Variants in DAB1 observed in about 807,000 individuals in gnomAD.
DAB1 encodes the protein disabled homolog 1.
Under a neutral mutation model 64.6 loss-of-function variants are expected in DAB1, and 15 were observed. The ratio of observed to expected loss-of-function variants is 0.23; its 90% CI spans 0.16 to 0.36. The LOEUF (loss-of-function observed/expected upper bound fraction) is 0.36. Among genes scored for constraint, DAB1 ranks in the 10% least tolerant of loss-of-function variants. DAB1 has a pLI of 1.00. For synonymous variants in DAB1, 235 were observed against 251.9 expected (o/e 0.93, Z 0.64); for missense variants, 596 against 706.7 (o/e 0.84, Z 1.78).
intron 7 of DAB1, among the ~76,000 whole-genome samples, chr1:57,593,656 A>AT (rs1288315001): frequency 1.3e-5 from 2 of 152,210 alleles, no homozygotes; most frequent in Non-Finnish European, 2.9e-5. Context: ...AAGGAGGATT[A>AT]TTTTTTGGCA....
In DAB1 at chr1:58,126,494, T is replaced by C. The variant is rs562347591; in HGVS notation, n.387+24017A>G. 1.5e-3 allele frequency among the ~76,000 whole-genome samples: 222 copies of C among 151,744 alleles called. 1 individual carries two copies. The highest frequency in any genetic ancestry group is 5.1e-3 in the African/African-American group (211 of 41,296). ...ATTATACTTTAAGTTTTAGGGTACA[T>C]GTGCACATTGTGCAGGTTAGTTACA... On this transcript the variant is annotated intron_variant and non_coding_transcript_variant, in intron 5 of 20. Coordinates refer to the DAB1 transcript ENST00000485760.
intron 1 of DAB1, among the ~76,000 whole-genome samples, chr1:57,882,340 G>A (rs910037924): frequency 2.6e-5 from 4 of 152,136 alleles, no homozygotes; most frequent in African/African-American, 7.2e-5. Flanking sequence ...ATGACAGTAC[G>A]AACATCAGAG....
At chr1:57,454,020 G>A (rs1211875296) in intron 7 of DAB1, among the ~76,000 whole-genome samples, 6 of 151,820 alleles carry the variant, frequency 4.0e-5, no homozygotes, top group East Asian at 3.9e-4. Flanking sequence ...TTTCCCTTTC[G>A]GCCTGGAAGA....
intron 4 of DAB1, among the ~76,000 whole-genome samples, chr1:58,295,901 G>A (rs1383355667): frequency 1.3e-5 from 2 of 151,788 alleles, no homozygotes; most frequent in Non-Finnish European, 2.9e-5. Context: ...GACCAGCCTG[G>A]CCAACATGGT....
At chr1:58,315,685 A>C (rs1662542125) in intron 4 of DAB1, among the ~76,000 whole-genome samples, 1 of 152,140 alleles carries the variant, frequency 6.6e-6, no homozygotes, top group South Asian at 2.1e-4. Flanking sequence ...GAAATGTACA[A>C]TTCCTTTATT....
intron 14 of DAB1, among the ~76,000 whole-genome samples, chr1:57,004,241 A>C (rs1645980015): frequency 6.6e-6 from 1 of 152,214 alleles, no homozygotes; most frequent in South Asian, 2.1e-4. Context: ...GCTCTTTGGC[A>C]TGAAGTATAA....
intron 4 of DAB1, among the ~76,000 whole-genome samples, chr1:57,081,397 C>T (rs988809820): frequency 1.3e-5 from 2 of 152,076 alleles, no homozygotes; most frequent in African/African-American, 4.8e-5. Flanking sequence ...CCTTGGAGCT[C>T]ACAAGATAAT....
chr1:58,199,852 G>A (rs903342312), intron 4 of DAB1, among the ~76,000 whole-genome samples: 1 of 152,136 alleles, frequency 6.6e-6, no homozygotes, highest in African/African-American at 2.4e-5. Flanking sequence ...GTGGGATGAA[G>A]AAAACTCTGC....
chr1:57,389,216 T>C (rs1180030375), intron 1 of DAB1, among the ~76,000 whole-genome samples: 1 of 152,214 alleles, frequency 6.6e-6, no homozygotes, highest in Non-Finnish European at 1.5e-5. Context: ...TTATTTCTTG[T>C]CAATTTTCAT....
intron 7 of DAB1, among the ~76,000 whole-genome samples, chr1:57,571,420 A>G (rs568558178): frequency 3.9e-5 from 6 of 152,328 alleles, no homozygotes; most frequent in African/African-American, 7.2e-5. Flanking sequence ...CCAGCCCTCT[A>G]TTCACTGCAT....
chr1:57,788,236 C>T (rs977998894), intron 6 of DAB1, among the ~76,000 whole-genome samples: 1 of 152,090 alleles, frequency 6.6e-6, no homozygotes, highest in African/African-American at 2.4e-5. Context: ...TTTATAGTAG[C>T]TGTATTAATA....
rs552297605 is a variant in DAB1 at position 57,733,793 on chromosome 1, A to T, written n.552-84128T>A. ...ATTGAGAAAGAGAAAGTGGGGAGTG[A>T]GATGGGGGAGATGGCAGAGGGAAGA... is the stretch of plus-strand genomic sequence containing the variant. On this transcript the variant is annotated intron_variant and non_coding_transcript_variant, in intron 6 of 20. Coordinates refer to the DAB1 transcript ENST00000485760. Among the ~76,000 whole-genome samples, 7 of 152,122 alleles carry T rather than the reference A, an allele frequency of 4.6e-5. No individual in the cohort carries two copies. The South Asian group carries it at 1.5e-3, about 32-fold the overall frequency.
chr1:57,629,017 G>A (rs965582536), intron 7 of DAB1, among the ~76,000 whole-genome samples: 4 of 152,048 alleles, frequency 2.6e-5, no homozygotes, highest in Non-Finnish European at 4.4e-5. Flanking sequence ...AGTCTCCTTA[G>A]CATTTTTCTA....
At chr1:57,749,960 T>C (rs1648478112) in intron 6 of DAB1, among the ~76,000 whole-genome samples, 1 of 152,076 alleles carries the variant, frequency 6.6e-6, no homozygotes, top group African/African-American at 2.4e-5. Flanking sequence ...TCCATCCTGG[T>C]GAAAAAAATC....
intron 7 of DAB1, among the ~76,000 whole-genome samples, chr1:57,070,441 T>C (rs1385617886): frequency 6.6e-6 from 1 of 152,194 alleles, no homozygotes; most frequent in Non-Finnish European, 1.5e-5. Flanking sequence ...ACCACTGAGC[T>C]GCAGATCTTG....
chr1:58,468,127 G>A (rs1164122959), intron 3 of DAB1: 1 of 152,242 alleles, frequency 6.6e-6, no homozygotes, highest in African/African-American at 2.4e-5. Context: ...ATTTCACCAT[G>A]TTGGCCAGGA....
At chr1:57,272,932 A>G (rs1164277449) in intron 2 of DAB1, among the ~76,000 whole-genome samples, 1 of 152,180 alleles carries the variant, frequency 6.6e-6, no homozygotes, top group Non-Finnish European at 1.5e-5. Flanking sequence ...GAAGAATACC[A>G]GGGCTTCCCT....
At chr1:57,448,228 G>A (rs1192283394) in intron 7 of DAB1, among the ~76,000 whole-genome samples, 2 of 152,110 alleles carry the variant, frequency 1.3e-5, no homozygotes, top group African/African-American at 4.8e-5. Context: ...TATGTCCCAG[G>A]CAGTCTAAAT....
intron 5 of DAB1, among the ~76,000 whole-genome samples, chr1:57,994,328 C>T (rs1646393523): frequency 6.6e-6 from 1 of 152,120 alleles, no homozygotes; most frequent in African/African-American, 2.4e-5. Flanking sequence ...AGATCAGAGA[C>T]CTTGAAGGAA....
Sources: gnomAD v4.1 joint callset for allele counts (sites outside exome capture counted in the v4.1 genomes callset) on GRCh38, gnomAD v4.1.1 for gene constraint, MANE v1.5 for transcripts, NCBI Gene and HGNC (gene_info 2026-07-23, HGNC 2026-07-21) for gene names.